BAG4: variants seen among roughly 807,000 people sequenced by gnomAD.
The protein encoded by BAG4 is BAG cochaperone 4.
Under a neutral mutation model 52.1 loss-of-function variants are expected in BAG4, and 28 were observed. The observed-to-expected ratio is 0.54, with a 90% confidence interval of 0.40 to 0.74. The LOEUF (loss-of-function observed/expected upper bound fraction) is 0.74. Ranked by LOEUF, BAG4 falls within the 30% of genes least tolerant of loss-of-function variation. The pLI, the probability that BAG4 is intolerant of heterozygous loss-of-function variation, is 0.00. For synonymous variants in BAG4, 208 were observed against 217.0 expected, an observed-to-expected ratio of 0.96 and a Z score of 0.37; for missense variants, 525 against 572.0, an observed-to-expected ratio of 0.92 and a Z score of 0.84.
chr8:38,195,518 T>C (rs1218079759), intron 2 of BAG4, among the ~76,000 whole-genome samples: 1 of 152,176 alleles, frequency 6.6e-6, no homozygotes, highest in African/African-American at 2.4e-5. Context: ...TTCAAACCCC[T>C]AGCCTCAAGC....
At chr8:38,185,408 A>G (rs1309149227) in intron 1 of BAG4, among the ~76,000 whole-genome samples, 1 of 152,222 alleles carries the variant, frequency 6.6e-6, no homozygotes, top group Non-Finnish European at 1.5e-5. Flanking sequence ...AATGTATAAA[A>G]TAAGTTCAAA....
chr8:38,200,182 T>C lies in BAG4; in HGVS notation c.379-7330T>C, dbSNP rs578114951. On this transcript the variant is annotated intron_variant, in intron 2 of 4. Coordinates refer to ENST00000287322, the MANE Select transcript of BAG4 (RefSeq NM_004874.4). ...CCATGCCGGGCTAATTTTTTTTGTATTGTTAGTAGAGACAGGGTTTTACCA... is the reference window on the plus strand; with the variant it reads ...CCATGCCGGGCTAATTTTTTTTGTACTGTTAGTAGAGACAGGGTTTTACCA... 2.0e-5 allele frequency among the ~76,000 whole-genome samples: 3 copies of C among 152,124 alleles called. No individual in the cohort carries two copies. In the East Asian group the frequency reaches 5.8e-4, roughly 30 times the overall value.
chr8:38,189,795 T>TGC (rs1803436779), intron 1 of BAG4, among the ~76,000 whole-genome samples: 2 of 149,762 alleles, frequency 1.3e-5, no homozygotes, highest in African/African-American at 5.0e-5. Flanking sequence ...TTGTTTTGCA[T>TGC]AAAAGGTTAA....
At position 38,210,307 on chromosome 8, in the gene BAG4, A is replaced by G. The variant is rs763216388; in HGVS notation, c.1188A>G (p.Glu396=). The G allele has an allele frequency of 1.2e-6, 2 of 1,614,066 alleles. No homozygotes were observed. Reference sequence around the variant, plus strand: ...AGAAGGTCCAGTATCTTGAACAAGAAGTAGAAGAATTTGTAGGAAAAAAGA... The same window carrying G: ...AGAAGGTCCAGTATCTTGAACAAGAGGTAGAAGAATTTGTAGGAAAAAAGA... The part of the protein sequence containing the change: ...VLEKVQYLEQ[E]VEEFVGKKTD... The change falls in exon 5 of 5, where the codon GAA becomes GAG. Residue 396 remains glutamate, a synonymous_variant. Transcript: ENST00000287322.
At chr8:38,183,730 C>T (rs1803314312) in intron 1 of BAG4, among the ~76,000 whole-genome samples, 1 of 151,720 alleles carries the variant, frequency 6.6e-6, no homozygotes, top group Non-Finnish European at 1.5e-5. Flanking sequence ...ACTGTATTCC[C>T]CAGGGAGGTC....
chr8:38,196,290 A>G (rs1228517371), intron 2 of BAG4, among the ~76,000 whole-genome samples: 3 of 152,182 alleles, frequency 2.0e-5, no homozygotes, highest in Non-Finnish European at 4.4e-5. Context: ...GCACCATTTT[A>G]TAGTCCCATC....
intron 2 of BAG4, among the ~76,000 whole-genome samples, chr8:38,205,555 C>T (rs566495067): frequency 6.6e-6 from 1 of 152,176 alleles, no homozygotes; most frequent in Admixed American, 6.5e-5. Flanking sequence ...AATAACAGTA[C>T]AAAAAGTCAC....
intron 1 of BAG4, among the ~76,000 whole-genome samples, chr8:38,190,608 T>TC (rs1261353332): frequency 6.6e-6 from 1 of 151,716 alleles, no homozygotes; most frequent in African/African-American, 2.4e-5. Context: ...ACATTTTTTT[T>TC]TTTTTTTTTG....
intron 1 of BAG4, among the ~76,000 whole-genome samples, chr8:38,184,298 C>T (rs1803325148): frequency 6.6e-6 from 1 of 151,780 alleles, no homozygotes; most frequent in African/African-American, 2.4e-5. Context: ...AAAATCCTGT[C>T]TCTACAAAAA....
At chr8:38,186,747 G>A (rs1334153300) in intron 1 of BAG4, among the ~76,000 whole-genome samples, 1 of 152,130 alleles carries the variant, frequency 6.6e-6, no homozygotes, top group Non-Finnish European at 1.5e-5. Context: ...CAATCAGCTG[G>A]AAATTAGTGA....
intron 2 of BAG4, among the ~76,000 whole-genome samples, chr8:38,193,805 C>G (rs1264591943): frequency 6.7e-6 from 1 of 149,556 alleles, no homozygotes; most frequent in Non-Finnish European, 1.5e-5. Context: ...GTGGCATGAT[C>G]TTGGCTCATT....
At chr8:38,199,029 T>C (rs531229374) in intron 2 of BAG4, among the ~76,000 whole-genome samples, 22 of 152,294 alleles carry the variant, frequency 1.4e-4, no homozygotes, top group African/African-American at 5.3e-4. Context: ...AAGGAGTACA[T>C]GCTAAGATAA....
rs1291490053 is a variant in BAG4, at chr8:38,209,014, AC to A, written c.638del (p.Pro213LeufsTer3). On this transcript the variant is annotated frameshift_variant and splice_region_variant, in exon 4 of 5. Coordinates refer to ENST00000287322, the MANE Select transcript of BAG4 (RefSeq NM_004874.4). LOFTEE classifies it high-confidence loss of function. Reference sequence around the variant, plus strand: ...GTATATTTCTTCTTCTCAATCTAGAACCCTGGAATGACCCTGCCCCATTATC... The same window carrying A: ...GTATATTTCTTCTTCTCAATCTAGAACCTGGAATGACCCTGCCCCATTATC... ...GQVPGYPPSQNPGMTLPHYPY... is the reference protein window; with the variant it reads ...GQVPGYPPSQXPGMTLPHYPY... 1 of 1,613,048 alleles carries A rather than the reference AC, an allele frequency of 6.2e-7. No individual in the cohort carries two copies. Among genetic ancestry groups the A allele is most frequent in the African/African-American group, 1.3e-5 (1 of 75,006 alleles).
rs1408998825 is a variant in BAG4 at position 38,207,777 on chromosome 8, T to A, written c.633+11T>A. Reference sequence around the variant, plus strand: ...TATCCGCCTTCACAGGTGAGTTGTTTTCTATTGGGAAAAAAATGAATTCAA... The same window carrying A: ...TATCCGCCTTCACAGGTGAGTTGTTATCTATTGGGAAAAAAATGAATTCAA... On this transcript the variant is annotated intron_variant, in intron 3 of 4. Transcript: ENST00000287322. 1.2e-6 allele frequency: 2 copies of A among 1,612,790 alleles called. No homozygotes were observed. The highest frequency in any genetic ancestry group is 1.7e-6 in the Non-Finnish European group (2 of 1,179,466).
intron 1 of BAG4, among the ~76,000 whole-genome samples, chr8:38,191,747 C>T (rs868502698): frequency 9.3e-5 from 11 of 118,300 alleles, no homozygotes; most frequent in African/African-American, 3.6e-4. Context: ...GCAACAAGAG[C>T]GAAACTCTGT....
intron 1 of BAG4, among the ~76,000 whole-genome samples, chr8:38,178,271 C>A (rs1238049102): frequency 6.6e-6 from 1 of 151,914 alleles, no homozygotes; most frequent in African/African-American, 2.4e-5. Context: ...TCTCCTGCCT[C>A]AGCCTCTCGA....
intron 4 of BAG4, 123 bp downstream of exon 4, chr8:38,209,390 T>TG: frequency 7.7e-7 from 1 of 1,304,080 alleles, no homozygotes; most frequent in South Asian, 1.5e-5. Context: ...GGTGACTACT[T>TG]ATCTATAGCT....
intron 2 of BAG4, chr8:38,201,872 ATATATATATTTTTTTTTT>A (rs1803679574): frequency 1.9e-4 from 1 of 5,282 alleles, no homozygotes; most frequent in African/African-American, 6.3e-4. Context: ...ATATATATAT[ATATATATATTTTTTTTTT>A]TTTTTTTTTT....
At chr8:38,185,437 T>C (rs1289716551) in intron 1 of BAG4, among the ~76,000 whole-genome samples, 4 of 152,218 alleles carry the variant, frequency 2.6e-5, no homozygotes, top group Non-Finnish European at 4.4e-5. Context: ...AGGTTCCAGT[T>C]CTGGCATGAC....
Sources: gnomAD v4.1 joint callset for allele counts (sites outside exome capture counted in the v4.1 genomes callset) on GRCh38, gnomAD v4.1.1 for gene constraint, MANE v1.5 for transcripts, NCBI Gene and HGNC (gene_info 2026-07-23, HGNC 2026-07-21) for gene names.